Variants in PHIP observed in about 807,000 individuals in gnomAD.
PHIP encodes PH-interacting protein.
A neutral mutation model predicts 236.8 loss-of-function variants in PHIP; 54 were observed. The ratio of observed to expected loss-of-function variants is 0.23; its 90% confidence interval spans 0.18 to 0.29. PHIP has a LOEUF of 0.29. Among genes scored for constraint, PHIP ranks in the 10% least tolerant of loss-of-function variants. The probability of loss-of-function intolerance (pLI) is 1.00; values close to 1 mark genes in which losing one functional copy is unlikely to be tolerated. For synonymous variants in PHIP, 756 were observed against 718.9 expected, an observed-to-expected ratio of 1.05 and a Z score of -0.83; for missense variants, 1,370 against 2,190.8, an observed-to-expected ratio of 0.63 and a Z score of 7.48.
chr6:78,982,792 A>T, intron 23 of PHIP, 94 bp downstream of exon 23: 2 of 724,974 alleles, frequency 2.8e-6, no homozygotes, highest in Non-Finnish European at 4.4e-6. Flanking sequence ...TTGCTGATAC[A>T]CTTCAACAAT....
intron 6 of PHIP, among the ~76,000 whole-genome samples, chr6:79,054,214 T>C (rs1390999624): frequency 6.7e-6 from 1 of 149,592 alleles, no homozygotes; most frequent in African/African-American, 2.5e-5. Context: ...GGGGAGGGGC[T>C]AGGGAGAAAA....
intron 22 of PHIP, among the ~76,000 whole-genome samples, chr6:78,983,371 T>C (rs1189190031): frequency 1.3e-5 from 2 of 152,124 alleles, no homozygotes; most frequent in Admixed American, 1.3e-4. Context: ...AAAACAAATT[T>C]AAGTACCTTC....
chr6:79,054,292 A>G (rs1772955246), intron 6 of PHIP, among the ~76,000 whole-genome samples: 1 of 151,570 alleles, frequency 6.6e-6, no homozygotes. Context: ...AACACTAAAA[A>G]ACAAAGACCA....
At chr6:79,070,880 T>C (rs183485182) in intron 4 of PHIP, among the ~76,000 whole-genome samples, 1 of 152,348 alleles carries the variant, frequency 6.6e-6, no homozygotes, top group African/African-American at 2.4e-5. Flanking sequence ...CTAAACTATT[T>C]TGATCTACAG....
chr6:78,998,708 T>C (rs982970417), intron 17 of PHIP, among the ~76,000 whole-genome samples: 1 of 152,130 alleles, frequency 6.6e-6, no homozygotes, highest in Non-Finnish European at 1.5e-5. Context: ...AAAACCAAAA[T>C]AACTGTTCGA....
chr6:79,030,998 T>C (rs546782087), intron 7 of PHIP, among the ~76,000 whole-genome samples: 1 of 152,202 alleles, frequency 6.6e-6, no homozygotes, highest in East Asian at 1.9e-4. Flanking sequence ...GGCTGGAGTA[T>C]TGTAGTGCGA....
intron 4 of PHIP, among the ~76,000 whole-genome samples, chr6:79,064,529 A>G (rs1312846568): frequency 2.0e-5 from 3 of 152,042 alleles, no homozygotes; most frequent in East Asian, 1.9e-4. Flanking sequence ...TCAATTATCA[A>G]TAACTCCAAT....
chr6:79,070,978 T>C (rs1178898116), intron 4 of PHIP, among the ~76,000 whole-genome samples: 1 of 152,188 alleles, frequency 6.6e-6, no homozygotes, highest in Non-Finnish European at 1.5e-5. Context: ...AAACCTGCCA[T>C]AGCCATCTGT....
rs555234273 is a variant in PHIP, at chr6:79,060,771, A to G, written c.237T>C (p.Cys79=). 13 of 1,612,850 alleles carry G rather than the reference A, an allele frequency of 8.1e-6. No individual in the cohort carries two copies. The South Asian group carries it at 1.2e-4, about 15-fold the overall frequency. ...HLAPDHLLQI[C]HRLGPLLEQE... ...GTTCAAGAAGAGGTCCTAGTCGATG[A>G]CATATTTGCAGCAAGTGATCAGGTG... is the stretch of plus-strand genomic sequence containing the variant. Residue 79 remains cysteine (C), a synonymous_variant, in exon 5 of 40, where the codon TGT becomes TGC. Coordinates refer to ENST00000275034, the MANE Select transcript of PHIP (RefSeq NM_017934.7).
At chr6:78,943,712 C>T (rs979390867) in intron 39 of PHIP, among the ~76,000 whole-genome samples, 1 of 151,898 alleles carries the variant, frequency 6.6e-6, no homozygotes, top group Non-Finnish European at 1.5e-5. Context: ...CTTGGCTGGG[C>T]GTGGTGGCTC....
chr6:79,023,358 A>G (rs1397764115), intron 9 of PHIP, among the ~76,000 whole-genome samples: 2 of 152,164 alleles, frequency 1.3e-5, no homozygotes, highest in Non-Finnish European at 2.9e-5. Flanking sequence ...TTGACCTCCC[A>G]AAGTCCTGGG....
At position 79,064,586 on chromosome 6, in the gene PHIP, C is replaced by T. The variant is rs887438585; in HGVS notation, c.190-3768G>A. Among the ~76,000 whole-genome samples the T allele has an allele frequency of 3.3e-5, 5 of 152,284 alleles. No homozygotes were observed. In the South Asian group the frequency reaches 8.3e-4, roughly 25 times the overall value. On this transcript the variant is annotated intron_variant, in intron 4 of 39. Coordinates refer to ENST00000275034, the MANE Select transcript of PHIP (RefSeq NM_017934.7). ...TTATTTAATGTCCCATAATATTTCA[C>T]CTAACTGTTGAACACTTCCTCATTT...
chr6:78,974,692 T>C (rs990120437), intron 24 of PHIP, among the ~76,000 whole-genome samples: 1 of 151,902 alleles, frequency 6.6e-6, no homozygotes, highest in Non-Finnish European at 1.5e-5. Context: ...AAAGGGGATA[T>C]CACCACCGAT....
chr6:79,016,996 A>G (rs1219194817), intron 12 of PHIP, among the ~76,000 whole-genome samples: 2 of 152,004 alleles, frequency 1.3e-5, no homozygotes, highest in East Asian at 3.9e-4. Context: ...TAACAAGAAC[A>G]TGGGAAAATT....
intron 6 of PHIP, among the ~76,000 whole-genome samples, chr6:79,054,625 A>G (rs770562923): frequency 2.6e-5 from 4 of 151,326 alleles, no homozygotes; most frequent in Non-Finnish European, 5.9e-5. Context: ...TGTAACTGTT[A>G]ACTTATATAT....
Position 79,003,847 on chromosome 6 carries a change from T to G in PHIP, c.1536A>C (p.Gln512His). Residue 512 changes from glutamine to histidine, a missense_variant, in exon 16 of 40, where the codon CAA becomes CAC. Gln to His is a conservative substitution (Grantham distance 24, BLOSUM62 0). Around this residue, in one of 14 missense-constraint regions of PHIP, gnomAD observed 188 missense variants for 354.3 expected, o/e 0.53. Coordinates refer to ENST00000275034, the MANE Select transcript of PHIP (RefSeq NM_017934.7). ...TGCAGTCAAATACTGCGCCATGTCC[T>G]TGGCCTTCAATCTGAAATATATTTA... The part of the protein sequence containing the change: ...IRSYFNMIEG[Q>H]GHGAVFDCKC... The G allele has an allele frequency of 6.3e-7, 1 of 1,598,676 alleles. No homozygotes were observed. Among genetic ancestry groups the G allele is most frequent in the Non-Finnish European group, 8.5e-7 (1 of 1,173,214 alleles).
intron 23 of PHIP, among the ~76,000 whole-genome samples, chr6:78,979,538 CT>C (rs1160474263): frequency 6.6e-6 from 1 of 152,038 alleles, no homozygotes; most frequent in Non-Finnish European, 1.5e-5. Context: ...GGACATTACA[CT>C]TCTACACAGC....
chr6:79,037,112 T>C (rs1771978434), intron 7 of PHIP, among the ~76,000 whole-genome samples: 1 of 152,146 alleles, frequency 6.6e-6, no homozygotes, highest in Admixed American at 6.5e-5. Context: ...TTTTGTCAAC[T>C]GTTTTGTCAA....
chr6:79,049,803 T>C (rs1052410053), intron 6 of PHIP, among the ~76,000 whole-genome samples: 2 of 152,158 alleles, frequency 1.3e-5, no homozygotes, highest in Non-Finnish European at 2.9e-5. Context: ...CCAAGTTCAT[T>C]AGTTCATTAC....
Sources: allele counts gnomAD v4.1 joint callset (sites outside exome capture counted in the v4.1 genomes callset), GRCh38; gene constraint gnomAD v4.1.1; regional missense constraint gnomAD v4.1.1; transcripts MANE v1.5; gene names NCBI Gene and HGNC (gene_info 2026-07-23, HGNC 2026-07-21).